The following FMN2 variants were observed in gnomAD, a reference collection of about 807,000 sequenced individuals.
FMN2 encodes formin 2.
In FMN2, 51 loss-of-function variants were observed where a neutral mutation model predicts 142.3. The ratio of observed to expected loss-of-function variants is 0.36; its 90% CI spans 0.29 to 0.45. The LOEUF (loss-of-function observed/expected upper bound fraction) is 0.45, where lower values mean the gene tolerates loss of function less well. Among genes scored for constraint, FMN2 ranks in the 20% least tolerant of loss-of-function variants. FMN2 has a pLI of 1.00. For missense variants in FMN2, 1,936 were observed against 2,122.8 expected, an observed-to-expected ratio of 0.91 and a Z score of 1.73; for synonymous variants, 882 against 869.8, an observed-to-expected ratio of 1.01 and a Z score of -0.25.
At chr1:240,185,062 C>T (rs1378293834) in intron 3 of FMN2, among the ~76,000 whole-genome samples, 16 of 143,382 alleles carry the variant, frequency 1.1e-4, no homozygotes, top group African/African-American at 4.2e-4. Flanking sequence ...CCTATACCTT[C>T]CCCTTCTCTT....
intron 15 of FMN2, among the ~76,000 whole-genome samples, chr1:240,433,208 T>C (rs1675235260): frequency 6.6e-6 from 1 of 152,166 alleles, no homozygotes; most frequent in African/African-American, 2.4e-5. Flanking sequence ...AATTATGAAA[T>C]AACACCCTGG....
At chr1:240,343,806 C>T (rs113327437) in intron 13 of FMN2, among the ~76,000 whole-genome samples, 6 of 152,214 alleles carry the variant, frequency 3.9e-5, no homozygotes, top group African/African-American at 9.6e-5. Context: ...AAGACATAGA[C>T]GTACGTAGTG....
intron 14 of FMN2, among the ~76,000 whole-genome samples, chr1:240,382,337 T>C (rs1673251998): frequency 6.6e-6 from 1 of 151,632 alleles, no homozygotes; most frequent in South Asian, 2.1e-4. Flanking sequence ...ATGGCACAAA[T>C]AAATGAAAAA....
Position 240,430,133 on chromosome 1 carries a change from G to A in FMN2, c.4911-7928G>A, listed in dbSNP as rs909842986. On this transcript the variant is annotated intron_variant, in intron 15 of 17. Coordinates refer to ENST00000319653, the MANE Select transcript of FMN2 (RefSeq NM_020066.5). ...GATCTCCTGACCTCATGATCCGCCC[G>A]CCTCGGCCTCCCAAAGTGCTGGGAT... is the stretch of plus-strand genomic sequence containing the variant. Among the ~76,000 whole-genome samples the A allele has an allele frequency of 3.5e-4, 53 of 151,962 alleles. 1 individual carries two copies. The highest frequency in any genetic ancestry group is 2.8e-3 in the Admixed American group (43 of 15,242).
chr1:240,468,195 AAT>A lies in FMN2; in HGVS notation c.5061-4166_5061-4165del, dbSNP rs149258082. Among the ~76,000 whole-genome samples, 16 of 101,934 alleles carry A rather than the reference AAT, an allele frequency of 1.6e-4. 1 individual carries two copies. The highest frequency in any genetic ancestry group is 7.4e-4 in the Admixed American group (8 of 10,884). The allele number at this position is 101,934 out of a possible 152,430, so 66.9% of individuals were successfully genotyped here. Reference sequence around the variant, plus strand: ...CCCTTTGTGTGAATGCATCCACTAAAATATATATATATGTGTGTGTGTGTGTG... The same window carrying A: ...CCCTTTGTGTGAATGCATCCACTAAAATATATATATGTGTGTGTGTGTGTG... On this transcript the variant is annotated intron_variant, in intron 16 of 17. Coordinates refer to ENST00000319653, the MANE Select transcript of FMN2 (RefSeq NM_020066.5).
At chr1:240,217,687 A>G (rs1369271292) in intron 6 of FMN2, among the ~76,000 whole-genome samples, 3 of 151,958 alleles carry the variant, frequency 2.0e-5, no homozygotes, top group Non-Finnish European at 2.9e-5. Flanking sequence ...TGCTATTCCT[A>G]TAACTATTTG....
intron 7 of FMN2, among the ~76,000 whole-genome samples, chr1:240,291,326 T>C (rs1051850404): frequency 5.3e-5 from 8 of 151,296 alleles, no homozygotes; most frequent in South Asian, 2.1e-4. Flanking sequence ...TTGATTTATA[T>C]ATATTTTTGA....
intron 13 of FMN2, among the ~76,000 whole-genome samples, chr1:240,348,524 ATTTT>A (rs35008419): frequency 4.2e-5 from 6 of 144,096 alleles, no homozygotes; most frequent in Admixed American, 6.9e-5. Context: ...CGCCCAGCCT[ATTTT>A]TTTTTTTTTT....
intron 6 of FMN2, among the ~76,000 whole-genome samples, chr1:240,237,978 C>T (rs1043825318): frequency 2.0e-5 from 3 of 152,160 alleles, no homozygotes. Context: ...AAGATGATTT[C>T]CTTCCTCAGG....
chr1:240,341,945 T>A (rs1264541119), intron 13 of FMN2, among the ~76,000 whole-genome samples: 1 of 152,244 alleles, frequency 6.6e-6, no homozygotes, highest in Non-Finnish European at 1.5e-5. Flanking sequence ...GTAGGTGTTT[T>A]CATCCTCTTT....
chr1:240,324,111 G>A (rs538424555), intron 8 of FMN2, among the ~76,000 whole-genome samples: 2 of 152,248 alleles, frequency 1.3e-5, no homozygotes, highest in Non-Finnish European at 2.9e-5. Context: ...ATAATAGTGA[G>A]TTGTGGTCCG....
chr1:240,122,970 G>C (rs1571951091), intron 1 of FMN2, among the ~76,000 whole-genome samples: 1 of 152,176 alleles, frequency 6.6e-6, no homozygotes, highest in Admixed American at 6.5e-5. Flanking sequence ...GGGGATGAGA[G>C]AGCAAACCAG....
chr1:240,288,798 A>G (rs1669680630), intron 7 of FMN2, among the ~76,000 whole-genome samples: 1 of 152,130 alleles, frequency 6.6e-6, no homozygotes, highest in African/African-American at 2.4e-5. Flanking sequence ...TCTGGCAAGA[A>G]ACTGAGTCAG....
At chr1:240,115,828 C>G (rs550728340) in intron 1 of FMN2, among the ~76,000 whole-genome samples, 7 of 152,252 alleles carry the variant, frequency 4.6e-5, no homozygotes, top group African/African-American at 1.4e-4. Context: ...ACCCCATAGG[C>G]GGAGCAGCCC....
intron 8 of FMN2, among the ~76,000 whole-genome samples, chr1:240,306,359 C>T (rs992003665): frequency 1.3e-5 from 2 of 152,238 alleles, no homozygotes; most frequent in Middle Eastern, 3.4e-3. Context: ...TTTGGGCTTC[C>T]GTTAATCCCA....
intron 7 of FMN2, among the ~76,000 whole-genome samples, chr1:240,273,034 CCTTG>C (rs146806695): frequency 0.27 from 41,126 of 151,782 alleles, 5,680 homozygotes; most frequent in Middle Eastern, 0.35. Context: ...AGAATTGTTC[CCTTG>C]CTTTAGCCAC....
At chr1:240,404,992 T>C (rs1674100120) in intron 15 of FMN2, among the ~76,000 whole-genome samples, 1 of 152,214 alleles carries the variant, frequency 6.6e-6, no homozygotes, top group South Asian at 2.1e-4. Context: ...AAATGGAAGC[T>C]TTCCTTTGTA....
chr1:240,455,951 G>T lies in FMN2; in HGVS notation c.5061-16421G>T, dbSNP rs1280211261. ...GATCACGCCACTGCACTCCAGCCTG[G>T]GTGACGGAGCGAGACTGTCTCAAAA... On this transcript the variant is annotated intron_variant, in intron 16 of 17. Transcript: ENST00000319653. Among the ~76,000 whole-genome samples, 7 of 151,142 alleles carry T rather than the reference G, an allele frequency of 4.6e-5. No individual in the cohort carries two copies. The Admixed American group carries it at 4.6e-4, about 10-fold the overall frequency.
At chr1:240,167,456 A>G (rs1317901463) in intron 2 of FMN2, among the ~76,000 whole-genome samples, 1 of 152,146 alleles carries the variant, frequency 6.6e-6, no homozygotes, top group Non-Finnish European at 1.5e-5. Context: ...CCTATTTGTA[A>G]ACATGTCAGA....
Sources: gnomAD v4.1 joint callset for allele counts (sites outside exome capture counted in the v4.1 genomes callset) on GRCh38, gnomAD v4.1.1 for gene constraint, MANE v1.5 for transcripts, NCBI Gene and HGNC (gene_info 2026-07-23, HGNC 2026-07-21) for gene names.